EP300: variants seen among roughly 807,000 people sequenced by gnomAD.
EP300 encodes EP300 lysine acetyltransferase.
EP300 carries 31 observed loss-of-function variants against 264.0 expected under a neutral mutation model. The ratio of observed to expected loss-of-function variants is 0.12; its 90% CI spans 0.09 to 0.16. The LOEUF is 0.16. Ranked by LOEUF, EP300 falls within the 10% of genes least tolerant of loss-of-function variation. EP300 has a pLI of 1.00. For synonymous variants in EP300, 1,340 were observed against 1,045.4 expected (o/e 1.28, Z -5.44); for missense variants, 2,766 against 3,052.9 (o/e 0.91, Z 2.21).
chr22:41,099,491 C>T (rs1198298355), intron 1 of EP300, among the ~76,000 whole-genome samples: 1 of 152,152 alleles, frequency 6.6e-6, no homozygotes, highest in Non-Finnish European at 1.5e-5. Flanking sequence ...AAATTTAATG[C>T]CTTTTCCATC....
chr22:41,135,185 A>G (rs1405829240), intron 6 of EP300, among the ~76,000 whole-genome samples: 1 of 152,148 alleles, frequency 6.6e-6, no homozygotes, highest in African/African-American at 2.4e-5. Context: ...CAGGACGCCC[A>G]GCCAGCATTG....
At chr22:41,095,832 A>G (rs2058699242) in intron 1 of EP300, among the ~76,000 whole-genome samples, 2 of 152,186 alleles carry the variant, frequency 1.3e-5, no homozygotes, top group African/African-American at 4.8e-5. Flanking sequence ...AGAGCGTTCT[A>G]ATGTCAGCTT....
At chr22:41,114,691 C>T (rs1007290560) in intron 1 of EP300, among the ~76,000 whole-genome samples, 22 of 152,126 alleles carry the variant, frequency 1.4e-4, no homozygotes, top group African/African-American at 2.7e-4. Context: ...AAAACATGTC[C>T]TTCGCGAAGA....
intron 8 of EP300, among the ~76,000 whole-genome samples, chr22:41,138,536 T>C (rs145651445): frequency 2.0e-5 from 3 of 152,296 alleles, no homozygotes; most frequent in African/African-American, 2.4e-5. Flanking sequence ...GATGTGCACA[T>C]GGCAGTTTAT....
intron 1 of EP300, among the ~76,000 whole-genome samples, chr22:41,102,966 C>G (rs1055082702): frequency 6.6e-6 from 1 of 152,268 alleles, no homozygotes; most frequent in Admixed American, 6.5e-5. Flanking sequence ...TCTCATGCCT[C>G]AGCCTCCCAA....
intron 1 of EP300, among the ~76,000 whole-genome samples, chr22:41,110,282 ATTTTTTTTTTTTTTTTT>A (rs71200660): frequency 4.1e-4 from 20 of 48,222 alleles, no homozygotes; most frequent in African/African-American, 7.5e-4. Context: ...TATCCAGCTA[ATTTTTTTTTTTTTTTTT>A]TTTTTTTTTT....
intron 1 of EP300, among the ~76,000 whole-genome samples, chr22:41,113,545 TTTA>T (rs1396910844): frequency 5.3e-5 from 8 of 152,166 alleles, no homozygotes; most frequent in African/African-American, 1.7e-4. Flanking sequence ...TGTAACTTTA[TTTA>T]TTATTATTAT....
At chr22:41,143,920 A>G (rs189866837) in intron 10 of EP300, among the ~76,000 whole-genome samples, 12 of 152,348 alleles carry the variant, frequency 7.9e-5, no homozygotes, top group African/African-American at 2.9e-4. Context: ...TACAGTTATT[A>G]TAGAATCAGA....
At chr22:41,129,350 G>A (rs2058903044) in intron 4 of EP300, among the ~76,000 whole-genome samples, 1 of 152,214 alleles carries the variant, frequency 6.6e-6, no homozygotes, top group South Asian at 2.1e-4. Context: ...ATCTAAGGAT[G>A]TGAGAAGAGA....
intron 8 of EP300, among the ~76,000 whole-genome samples, chr22:41,138,064 C>T (rs1417818281): frequency 3.9e-5 from 6 of 152,164 alleles, no homozygotes; most frequent in African/African-American, 1.2e-4. Flanking sequence ...TTGTTTTTAG[C>T]TATTGCCTTT....
Position 41,149,167 on chromosome 22 carries a change from G to A in EP300, c.2371G>A (p.Val791Met), listed in dbSNP as rs1484112527. The A allele has an allele frequency of 1.2e-6, 2 of 1,613,882 alleles. No individual in the cohort carries two copies. The highest frequency in any genetic ancestry group is 2.2e-5 in the East Asian group (1 of 44,894). The part of the protein sequence containing the change: ...PLAPSSGQAP[V>M]SQAQMSSSSC... ...GGCTCCGTCCAGCGGTCAAGCTCCA[G>A]TGTCTCAAGTATGTCTCATAAGTGG... The change falls in exon 13 of 31, where the codon GTG becomes ATG. Residue 791 changes from valine to methionine, a missense_variant. Coordinates refer to ENST00000263253, the MANE Select transcript of EP300 (RefSeq NM_001429.4).
intron 29 of EP300, chr22:41,174,952 AC>A (rs1348509163): frequency 2.1e-5 from 3 of 142,994 alleles, no homozygotes; most frequent in Non-Finnish European, 4.6e-5. Flanking sequence ...CCCCATCACC[AC>A]CCCTTTTTTG....
Position 41,179,748 on chromosome 22 carries a change from T to C in EP300, c.*792T>C, listed in dbSNP as rs1177343582. On this transcript the variant is annotated 3_prime_UTR_variant, in exon 31 of 31. Transcript: ENST00000263253. ...TTTCTTGAAAGAATTTTTTTCGTTA[T>C]TTTTACATCTAACAAAGTAAAAAAA... The C allele has an allele frequency of 4.3e-6, 1 of 231,056 alleles. No individual in the cohort carries two copies. The highest frequency in any genetic ancestry group is 6.1e-5 in the East Asian group (1 of 16,296). 14.3% of individuals were successfully genotyped at this position (231,056 alleles called of 1,614,324 possible).
intron 1 of EP300, among the ~76,000 whole-genome samples, chr22:41,100,939 CAT>C (rs2058728522): frequency 6.6e-6 from 1 of 151,956 alleles, no homozygotes; most frequent in Non-Finnish European, 1.5e-5. Context: ...TATATCCTAT[CAT>C]GTAAGATGTC....
intron 4 of EP300, 68 bp downstream of exon 4, chr22:41,127,816 T>C: frequency 6.3e-7 from 1 of 1,594,918 alleles, no homozygotes; most frequent in Non-Finnish European, 8.6e-7. Flanking sequence ...GAAAATGTGA[T>C]CAAGTCTATT....
intron 2 of EP300, among the ~76,000 whole-genome samples, chr22:41,120,336 C>T (rs2058845292): frequency 6.6e-6 from 1 of 152,152 alleles, no homozygotes; most frequent in Non-Finnish European, 1.5e-5. Context: ...AAAAAATTAT[C>T]CTTGTGTCGT....
At chr22:41,124,409 T>TA (rs903898359) in intron 2 of EP300, among the ~76,000 whole-genome samples, 10 of 152,128 alleles carry the variant, frequency 6.6e-5, no homozygotes, top group Admixed American at 5.2e-4. Context: ...TCAGAAGTTT[T>TA]AAAAAACACT....
At chr22:41,118,355 A>G (rs193034671) in intron 2 of EP300, among the ~76,000 whole-genome samples, 2 of 152,376 alleles carry the variant, frequency 1.3e-5, no homozygotes, top group East Asian at 1.9e-4. Context: ...AGCTTTATTA[A>G]CTAGAGAATG....
At chr22:41,124,968 C>T (rs1348429040) in intron 2 of EP300, among the ~76,000 whole-genome samples, 1 of 152,028 alleles carries the variant, frequency 6.6e-6, no homozygotes, top group Non-Finnish European at 1.5e-5. Context: ...GACAGGGTCT[C>T]ACTCTGTTGC....
Sources: gnomAD v4.1 joint callset for allele counts (sites outside exome capture counted in the v4.1 genomes callset) on GRCh38, gnomAD v4.1.1 for gene constraint, MANE v1.5 for transcripts, NCBI Gene and HGNC (gene_info 2026-07-23, HGNC 2026-07-21) for gene names.